Variants in NALF1 observed in about 807,000 individuals in gnomAD.
NALF1 encodes NALCN channel auxiliary factor 1.
Under a neutral mutation model 48.4 loss-of-function variants are expected in NALF1, and 3 were observed. The observed-to-expected ratio is 0.06, with a 90% CI of 0.03 to 0.16. NALF1 has a LOEUF of 0.16. NALF1 is among the 10% of genes least tolerant of loss of function. The probability of loss-of-function intolerance (pLI) is 1.00; values close to 1 mark genes in which losing one functional copy is unlikely to be tolerated. For synonymous variants in NALF1, 262 were observed against 245.7 expected, an observed-to-expected ratio of 1.07 and a Z score of -0.62; for missense variants, 526 against 571.5, an observed-to-expected ratio of 0.92 and a Z score of 0.81.
chr13:107,242,767 C>A (rs1423371886), intron 1 of NALF1, among the ~76,000 whole-genome samples: 2 of 152,004 alleles, frequency 1.3e-5, no homozygotes, highest in Non-Finnish European at 2.9e-5. Flanking sequence ...TTCTATATAA[C>A]CTTGTATAAC....
intron 1 of NALF1, among the ~76,000 whole-genome samples, chr13:107,805,265 C>A (rs893182150): frequency 6.6e-6 from 1 of 152,054 alleles, no homozygotes; most frequent in South Asian, 2.1e-4. Flanking sequence ...GATTTCTCAG[C>A]GCTTACTCTT....
chr13:107,666,414 C>T (rs1346269065), intron 1 of NALF1, among the ~76,000 whole-genome samples: 1 of 152,074 alleles, frequency 6.6e-6, no homozygotes, highest in Non-Finnish European at 1.5e-5. Context: ...TGTGACAATG[C>T]TTCAAAGAAA....
chr13:107,700,737 AGGGG>A (rs1486252501), intron 1 of NALF1, among the ~76,000 whole-genome samples: 2 of 152,086 alleles, frequency 1.3e-5, no homozygotes, highest in Non-Finnish European at 2.9e-5. Context: ...ATATCTGATA[AGGGG>A]TTAATATCCA....
intron 2 of NALF1, among the ~76,000 whole-genome samples, chr13:107,196,356 A>G (rs910103045): frequency 6.6e-6 from 1 of 152,240 alleles, no homozygotes; most frequent in African/African-American, 2.4e-5. Flanking sequence ...TCAAGCTAGT[A>G]ATGAGAAAGT....
intron 1 of NALF1, among the ~76,000 whole-genome samples, chr13:107,548,636 T>C (rs1171812804): frequency 1.3e-5 from 2 of 152,042 alleles, no homozygotes; most frequent in Non-Finnish European, 2.9e-5. Context: ...TGCCATACTC[T>C]GCTGGAGATG....
At chr13:107,242,055 G>A (rs1880482166) in intron 1 of NALF1, among the ~76,000 whole-genome samples, 1 of 152,138 alleles carries the variant, frequency 6.6e-6, no homozygotes, top group Non-Finnish European at 1.5e-5. Flanking sequence ...ATAAAAACAA[G>A]TTCTTAAGCC....
chr13:107,724,292 T>C (rs1876082328), intron 1 of NALF1, among the ~76,000 whole-genome samples: 1 of 152,078 alleles, frequency 6.6e-6, no homozygotes, highest in Admixed American at 6.6e-5. Flanking sequence ...CATGCCTGCT[T>C]CACAATGTTA....
rs1054761362 is a variant in NALF1 at position 107,866,574 on chromosome 13, C to G, written c.23G>C (p.Cys8Ser). Reference sequence around the variant, plus strand: ...TTTTAAGCCGTCGTCATACTGCCGACACATCCAAGCACCCCTGGTCATATT... The same window carrying G: ...TTTTAAGCCGTCGTCATACTGCCGAGACATCCAAGCACCCCTGGTCATATT... The part of the protein sequence containing the change: MTRGAWM[C>S]RQYDDGLKIW... The change falls in exon 1 of 3, where the codon TGT becomes TCT. Residue 8 changes from cysteine (C) to serine (S), a missense_variant. Around this residue, in one of 2 missense-constraint regions of NALF1, gnomAD observed 373 missense variants for 355.5 expected, o/e 1.05. Transcript: ENST00000375915. The surrounding 1 kb of genome is among the most constrained non-coding windows in gnomAD (Gnocchi z 4.4). 4.4e-6 allele frequency: 7 copies of G among 1,609,176 alleles called. No homozygotes were observed. In the Admixed American group the frequency reaches 8.3e-5, roughly 19 times the overall value.
At chr13:107,580,423 C>T (rs73593184) in intron 1 of NALF1, among the ~76,000 whole-genome samples, 1,919 of 152,194 alleles carry the variant, frequency 0.013, 42 homozygotes, top group African/African-American at 0.044. Context: ...GTGTGCAGGG[C>T]CCTATCCTCT....
intron 1 of NALF1, among the ~76,000 whole-genome samples, chr13:107,262,518 G>A (rs1334237010): frequency 3.3e-5 from 5 of 152,158 alleles, no homozygotes; most frequent in South Asian, 2.1e-4. Context: ...TCATCTCCAC[G>A]TATCTGTTTC....
intron 1 of NALF1, among the ~76,000 whole-genome samples, chr13:107,685,308 G>C (rs1342175783): frequency 2.0e-5 from 3 of 151,970 alleles, no homozygotes; most frequent in African/African-American, 7.3e-5. Context: ...GCGAGACACC[G>C]TCTCAGGAAA....
intron 1 of NALF1, among the ~76,000 whole-genome samples, chr13:107,669,121 T>G (rs1880930713): frequency 6.6e-6 from 1 of 152,096 alleles, no homozygotes; most frequent in Admixed American, 6.6e-5. Context: ...TTGCTGATAA[T>G]CTACATGCTG....
chr13:107,850,216 A>G (rs1880273228), intron 1 of NALF1, among the ~76,000 whole-genome samples: 1 of 152,238 alleles, frequency 6.6e-6, no homozygotes, highest in South Asian at 2.1e-4. Flanking sequence ...ACTACCTACC[A>G]GAGGAAGAAA....
chr13:107,774,145 C>T (rs549949811), intron 1 of NALF1, among the ~76,000 whole-genome samples: 48 of 152,152 alleles, frequency 3.2e-4, no homozygotes, highest in Non-Finnish European at 5.9e-4. Context: ...TTGATATTTC[C>T]AATGGATTTA....
chr13:107,477,333 T>C lies in NALF1; in HGVS notation c.916-266578A>G, dbSNP rs145217316. 9.7e-4 allele frequency among the ~76,000 whole-genome samples: 147 copies of C among 152,232 alleles called. 1 individual carries two copies. Among genetic ancestry groups the C allele is most frequent in the Non-Finnish European group, 1.5e-3 (101 of 67,988 alleles). On this transcript the variant is annotated intron_variant, in intron 1 of 2. Coordinates refer to ENST00000375915, the MANE Select transcript of NALF1 (RefSeq NM_001080396.3). ...CTCAAACAGCACCCCTCTCAGCAAA[T>C]TGCTCTTTTATAGAACAAATGTTTA...
chr13:107,650,011 A>C (rs1880406430), intron 1 of NALF1, among the ~76,000 whole-genome samples: 1 of 152,212 alleles, frequency 6.6e-6, no homozygotes, highest in African/African-American at 2.4e-5. Flanking sequence ...GATTTTAAAA[A>C]ATACTTGAAA....
intron 1 of NALF1, among the ~76,000 whole-genome samples, chr13:107,444,667 C>T (rs1884619181): frequency 6.6e-6 from 1 of 152,126 alleles, no homozygotes; most frequent in Admixed American, 6.6e-5. Context: ...AGCTTTTTCC[C>T]ACTTTTCACA....
At chr13:107,605,258 T>G (rs1006154348) in intron 1 of NALF1, among the ~76,000 whole-genome samples, 1 of 152,196 alleles carries the variant, frequency 6.6e-6, no homozygotes, top group Non-Finnish European at 1.5e-5. Context: ...TCTAAGAACT[T>G]GAATGTGCTT....
At chr13:107,810,970 A>G (rs1489528527) in intron 1 of NALF1, among the ~76,000 whole-genome samples, 5 of 152,142 alleles carry the variant, frequency 3.3e-5, no homozygotes, top group South Asian at 2.1e-4. Flanking sequence ...TTATTCATAA[A>G]TTATGTATAT....
Sources: gnomAD v4.1 joint callset for allele counts (sites outside exome capture counted in the v4.1 genomes callset) on GRCh38, gnomAD v4.1.1 for gene constraint, gnomAD v4.1.1 regional missense constraint, Gnocchi (gnomAD v3.1) non-coding constraint, MANE v1.5 for transcripts, NCBI Gene and HGNC (gene_info 2026-07-23, HGNC 2026-07-21) for gene names.